The following NTM variants were observed in gnomAD, a reference collection of about 807,000 sequenced individuals.
The protein encoded by NTM is IgLON family member 2.
A neutral mutation model predicts 42.1 loss-of-function variants in NTM; 13 were observed. The ratio of observed to expected loss-of-function variants is 0.31; its 90% confidence interval spans 0.20 to 0.49. The LOEUF (loss-of-function observed/expected upper bound fraction) is 0.49. Among genes scored for constraint, NTM ranks in the 20% least tolerant of loss-of-function variants. NTM has a pLI of 0.99. For missense variants in NTM, 373 were observed against 452.8 expected (o/e 0.82, Z 1.60); for synonymous variants, 187 against 179.2 (o/e 1.04, Z -0.35).
At chr11:131,523,316 A>C (rs2050002883) in intron 1 of NTM, among the ~76,000 whole-genome samples, 1 of 152,256 alleles carries the variant, frequency 6.6e-6, no homozygotes. Context: ...CCCAAAAGCA[A>C]ATGATGGTTA....
At chr11:131,566,882 T>G (rs758508229) in intron 1 of NTM, among the ~76,000 whole-genome samples, 6 of 152,112 alleles carry the variant, frequency 3.9e-5, no homozygotes, top group Non-Finnish European at 8.8e-5. Context: ...CAGTAGAATA[T>G]CAATTGCCTG....
intron 1 of NTM, among the ~76,000 whole-genome samples, chr11:131,673,459 C>T (rs114643074): frequency 0.018 from 2,763 of 152,318 alleles, 87 homozygotes; most frequent in African/African-American, 0.063. Flanking sequence ...ATTGTGTCCT[C>T]ATTGTCTGTG....
chr11:131,533,593 C>T (rs1156703518), intron 1 of NTM, among the ~76,000 whole-genome samples: 1 of 152,196 alleles, frequency 6.6e-6, no homozygotes, highest in Non-Finnish European at 1.5e-5. Context: ...CAAATCCTCA[C>T]CTGCCCGTGT....
intron 7 of NTM, among the ~76,000 whole-genome samples, chr11:132,316,659 T>C (rs560380605): frequency 6.6e-6 from 1 of 152,284 alleles, no homozygotes; most frequent in South Asian, 2.1e-4. Context: ...TTTAATTTGT[T>C]AGCTTCAGTT....
At chr11:131,640,039 A>G (rs1226320727) in intron 1 of NTM, among the ~76,000 whole-genome samples, 1 of 152,164 alleles carries the variant, frequency 6.6e-6, no homozygotes, top group African/African-American at 2.4e-5. Flanking sequence ...TTCTGGTTCT[A>G]TTGAGCTAGG....
chr11:131,615,548 A>G (rs2061844869), intron 1 of NTM, among the ~76,000 whole-genome samples: 1 of 151,928 alleles, frequency 6.6e-6, no homozygotes, highest in African/African-American at 2.4e-5. Context: ...TTGTAATTTT[A>G]TTGGAGAGAT....
intron 1 of NTM, among the ~76,000 whole-genome samples, chr11:131,636,983 A>G (rs2064482492): frequency 6.6e-6 from 1 of 152,128 alleles, no homozygotes; most frequent in Non-Finnish European, 1.5e-5. Context: ...CTTTGAGATG[A>G]GGAAGAACCC....
intron 2 of NTM, among the ~76,000 whole-genome samples, chr11:131,979,351 A>C (rs2064892306): frequency 6.6e-6 from 1 of 150,842 alleles, no homozygotes; most frequent in African/African-American, 2.4e-5. Context: ...ATTTAAACTA[A>C]AGAAGTGTGT....
At chr11:131,570,328 G>A (rs538484856) in intron 1 of NTM, among the ~76,000 whole-genome samples, 32 of 152,190 alleles carry the variant, frequency 2.1e-4, no homozygotes, top group Admixed American at 7.2e-4. Flanking sequence ...AATACTCCTC[G>A]GCCGCGTTCC....
intron 2 of NTM, among the ~76,000 whole-genome samples, chr11:132,122,842 A>G (rs553901311): frequency 1.8e-4 from 28 of 152,276 alleles, no homozygotes; most frequent in Admixed American, 8.5e-4. Context: ...AGCTTGTCAC[A>G]GTGGTGCCCA....
intron 1 of NTM, among the ~76,000 whole-genome samples, chr11:131,885,238 C>T (rs1297347262): frequency 6.6e-6 from 1 of 152,204 alleles, no homozygotes; most frequent in Non-Finnish European, 1.5e-5. Flanking sequence ...TATACAACAG[C>T]AAACAGGCAA....
At chr11:131,765,476 C>A (rs552701154) in intron 1 of NTM, among the ~76,000 whole-genome samples, 1 of 152,266 alleles carries the variant, frequency 6.6e-6, no homozygotes, top group South Asian at 2.1e-4. Context: ...TATGTATTTT[C>A]TATCTTATCC....
intron 1 of NTM, among the ~76,000 whole-genome samples, chr11:131,744,979 G>A (rs901560527): frequency 2.0e-5 from 3 of 152,206 alleles, no homozygotes; most frequent in Non-Finnish European, 2.9e-5. Context: ...TTTGAGTGCT[G>A]ACGCAGAAGG....
intron 1 of NTM, among the ~76,000 whole-genome samples, chr11:131,489,592 G>A (rs1954549758): frequency 6.6e-6 from 1 of 152,164 alleles, no homozygotes; most frequent in South Asian, 2.1e-4. Flanking sequence ...TTCAGCCACA[G>A]CTTTGATTTG....
At chr11:131,830,710 A>G (rs1032476760) in intron 1 of NTM, among the ~76,000 whole-genome samples, 1 of 152,196 alleles carries the variant, frequency 6.6e-6, no homozygotes, top group Non-Finnish European at 1.5e-5. Context: ...GTGAAAAATG[A>G]CATTGATAGC....
chr11:132,302,397 T>C (rs765736319), intron 4 of NTM, among the ~76,000 whole-genome samples: 11 of 152,218 alleles, frequency 7.2e-5, no homozygotes, highest in Non-Finnish European at 1.2e-4. Flanking sequence ...AAATCTTTTC[T>C]GTTAGAACAC....
At chr11:131,413,523 T>G (rs1946636736) in intron 1 of NTM, among the ~76,000 whole-genome samples, 1 of 152,158 alleles carries the variant, frequency 6.6e-6, no homozygotes, top group South Asian at 2.1e-4. Context: ...GTCAGGAGCT[T>G]TGGGAAGAGC....
chr11:131,964,828 A>T (rs929560043), intron 2 of NTM, among the ~76,000 whole-genome samples: 1 of 152,160 alleles, frequency 6.6e-6, no homozygotes, highest in Admixed American at 6.5e-5. Context: ...ATGTGATCTG[A>T]CAGCTTTGAA....
intron 5 of NTM, 88 bp downstream of exon 5, chr11:132,307,911 G>A: frequency 4.6e-6 from 6 of 1,298,844 alleles, no homozygotes; most frequent in Non-Finnish European, 6.5e-6. Flanking sequence ...GGCACAGCCA[G>A]CTACTGACTT....
Sources: allele counts gnomAD v4.1 joint callset (sites outside exome capture counted in the v4.1 genomes callset), GRCh38; gene constraint gnomAD v4.1.1; transcripts MANE v1.5; gene names NCBI Gene and HGNC (gene_info 2026-07-23, HGNC 2026-07-21).